The following CCDC178 variants were observed in gnomAD, a reference collection of about 807,000 sequenced individuals.
CCDC178 encodes coiled-coil domain-containing protein 178.
A neutral mutation model predicts 117.4 loss-of-function variants in CCDC178; 126 were observed. The ratio of observed to expected loss-of-function variants is 1.07; its 90% CI spans 0.93 to 1.24. The LOEUF (loss-of-function observed/expected upper bound fraction) is 1.24. Ranked by LOEUF, CCDC178 falls within the 50% of genes most tolerant of loss-of-function variation. The pLI is 0.00. For synonymous variants in CCDC178, 283 were observed against 313.4 expected (o/e 0.90, Z 1.02); for missense variants, 1,030 against 986.9 (o/e 1.04, Z -0.59).
chr18:33,368,292 C>T (rs1388382817), intron 6 of CCDC178, among the ~76,000 whole-genome samples: 1 of 151,832 alleles, frequency 6.6e-6, no homozygotes, highest in Non-Finnish European at 1.5e-5. Context: ...TGGATAGGTG[C>T]CTCAGATGTA....
At position 33,019,887 on chromosome 18, in the gene CCDC178, T is replaced by C. The variant is rs999777971; in HGVS notation, c.2389-45206A>G. 8.0e-5 allele frequency among the ~76,000 whole-genome samples: 12 copies of C among 149,888 alleles called. No homozygotes were observed. In the Admixed American group the frequency reaches 8.0e-4, roughly 10 times the overall value. ...ATTGATGTGAAAACATAGATGATCATTCATTTCATGATCCTCTTAACTGAG... is the reference window on the plus strand; with the variant it reads ...ATTGATGTGAAAACATAGATGATCACTCATTTCATGATCCTCTTAACTGAG... On this transcript the variant is annotated intron_variant, in intron 21 of 22. Coordinates refer to ENST00000383096, the MANE Select transcript of CCDC178 (RefSeq NM_001105528.4).
chr18:33,314,959 T>C (rs773369075), intron 11 of CCDC178, among the ~76,000 whole-genome samples: 4 of 152,200 alleles, frequency 2.6e-5, no homozygotes, highest in Non-Finnish European at 4.4e-5. Context: ...TCCTGGAGAA[T>C]GAGCCCTAGG....
intron 14 of CCDC178, 56 bp from the exon 15 acceptor site, chr18:33,245,484 T>A (rs2059539521): frequency 7.8e-7 from 1 of 1,277,538 alleles, no homozygotes; most frequent in Non-Finnish European, 1.0e-6. Flanking sequence ...ACAAACATAT[T>A]TAATAATAGT....
intron 20 of CCDC178, among the ~76,000 whole-genome samples, chr18:33,193,627 C>T (rs2058889828): frequency 6.6e-6 from 1 of 152,088 alleles, no homozygotes; most frequent in Non-Finnish European, 1.5e-5. Flanking sequence ...AAGGAAGTAG[C>T]TTTTAATTTA....
chr18:33,295,609 A>G (rs953577446), intron 11 of CCDC178, among the ~76,000 whole-genome samples: 1 of 152,160 alleles, frequency 6.6e-6, no homozygotes, highest in African/African-American at 2.4e-5. Context: ...GAAAACAAAC[A>G]TTACAATGGG....
chr18:33,310,783 A>T (rs1280389200), intron 11 of CCDC178, among the ~76,000 whole-genome samples: 1 of 152,186 alleles, frequency 6.6e-6, no homozygotes, highest in Non-Finnish European at 1.5e-5. Context: ...ATTACAAGAC[A>T]TTTTTATTTT....
At chr18:33,342,549 C>T (rs926463367) in intron 9 of CCDC178, among the ~76,000 whole-genome samples, 2 of 152,194 alleles carry the variant, frequency 1.3e-5, no homozygotes, top group South Asian at 4.1e-4. Flanking sequence ...TCCAAGCTGA[C>T]ACTTTGAGCA....
chr18:33,003,115 C>T (rs1224695234), intron 21 of CCDC178, among the ~76,000 whole-genome samples: 7 of 152,032 alleles, frequency 4.6e-5, no homozygotes. Context: ...AGAGCTAATA[C>T]CAATCCTACT....
chr18:33,404,392 T>C (rs1385491929), intron 3 of CCDC178, among the ~76,000 whole-genome samples: 7 of 149,074 alleles, frequency 4.7e-5, no homozygotes, highest in Admixed American at 2.0e-4. Flanking sequence ...AAAAAATAAG[T>C]GAAATGTCAC....
chr18:33,316,553 A>G (rs889196446), intron 11 of CCDC178, among the ~76,000 whole-genome samples: 1 of 152,030 alleles, frequency 6.6e-6, no homozygotes, highest in Non-Finnish European at 1.5e-5. Flanking sequence ...GAGCAGGTGC[A>G]GGGCACTCCT....
chr18:33,425,137 A>G (rs2064102813), intron 2 of CCDC178, among the ~76,000 whole-genome samples: 1 of 152,178 alleles, frequency 6.6e-6, no homozygotes, highest in African/African-American at 2.4e-5. Context: ...TATTTTATCC[A>G]TACAGCTTCT....
chr18:33,425,323 AAC>A (rs2064106499), intron 2 of CCDC178, among the ~76,000 whole-genome samples: 1 of 152,216 alleles, frequency 6.6e-6, no homozygotes, highest in Admixed American at 6.5e-5. Context: ...TGTAACCTGA[AAC>A]ACAATATTTA....
rs759289481 is a variant in CCDC178, at chr18:32,938,065, G to A, written c.2550C>T (p.His850=). The A allele has an allele frequency of 6.8e-6, 11 of 1,613,482 alleles. No homozygotes were observed. In the Admixed American group the frequency reaches 1.0e-4, roughly 15 times the overall value. The change falls in exon 23 of 23, where the codon CAC becomes CAT. Residue 850 remains histidine (H), a synonymous_variant. Coordinates refer to ENST00000383096, the MANE Select transcript of CCDC178 (RefSeq NM_001105528.4). ...TCAAAGTCTGGAAGAAACCTAAGAT[G>A]TGTTGCATTAAATTTGAAGATTCCT... ...VQEESSNLMQ[H]ILGFFQTLTD...
intron 20 of CCDC178, among the ~76,000 whole-genome samples, chr18:33,164,785 G>C (rs1010896570): frequency 6.6e-6 from 1 of 152,118 alleles, no homozygotes; most frequent in African/African-American, 2.4e-5. Flanking sequence ...AAATGGGAGG[G>C]TATTTTCAGA....
intron 9 of CCDC178, among the ~76,000 whole-genome samples, chr18:33,339,244 G>A (rs2062782119): frequency 6.6e-6 from 1 of 151,926 alleles, no homozygotes; most frequent in Non-Finnish European, 1.5e-5. Flanking sequence ...TGGGAAATCA[G>A]AGGAAAAAAT....
intron 21 of CCDC178, among the ~76,000 whole-genome samples, chr18:33,086,467 G>A (rs1206637089): frequency 1.4e-5 from 2 of 146,134 alleles, no homozygotes; most frequent in Non-Finnish European, 3.0e-5. Context: ...TAGCGAGAAA[G>A]AGAGAGAGAG....
intron 4 of CCDC178, among the ~76,000 whole-genome samples, chr18:33,390,570 G>T (rs1476286286): frequency 6.6e-6 from 1 of 152,052 alleles, no homozygotes; most frequent in East Asian, 1.9e-4. Context: ...AGCAAACAAA[G>T]TCAGATAAAA....
chr18:33,249,624 T>C (rs550557415), intron 14 of CCDC178, among the ~76,000 whole-genome samples: 21 of 152,222 alleles, frequency 1.4e-4, no homozygotes, highest in African/African-American at 4.8e-4. Flanking sequence ...TCCATTCAGC[T>C]CTATCTCTGT....
chr18:33,157,964 T>A (rs2058420937), intron 20 of CCDC178, among the ~76,000 whole-genome samples: 1 of 152,142 alleles, frequency 6.6e-6, no homozygotes, highest in Non-Finnish European at 1.5e-5. Context: ...GGTGTAACTT[T>A]TTCTTTTCCA....
Sources: gnomAD v4.1 joint callset for allele counts (sites outside exome capture counted in the v4.1 genomes callset) on GRCh38, gnomAD v4.1.1 for gene constraint, MANE v1.5 for transcripts, NCBI Gene and HGNC (gene_info 2026-07-23, HGNC 2026-07-21) for gene names.